The following HTT-AS variants were observed in gnomAD, a reference collection of about 807,000 sequenced individuals.
HTT-AS encodes HTT antisense RNA (head to head).
chr4:3,062,448 C>T (rs1329324463), exon 2 of HTT-AS, among the ~76,000 whole-genome samples: 1 of 152,138 alleles, frequency 6.6e-6, no homozygotes, highest in East Asian at 1.9e-4. Context: ...CCTTGGAGGT[C>T]TGGTGTGAGC....
intron 2 of HTT-AS, among the ~76,000 whole-genome samples, chr4:3,062,169 A>C (rs1711939848): frequency 6.6e-6 from 1 of 151,910 alleles, no homozygotes; most frequent in Admixed American, 6.6e-5. Flanking sequence ...AGCTGGGACC[A>C]CAAGTGCATG....
At chr4:3,060,438 A>G (rs2798296) in intron 2 of HTT-AS, among the ~76,000 whole-genome samples, 67,624 of 151,990 alleles carry the variant, frequency 0.44, 15,643 homozygotes, top group South Asian at 0.7. Flanking sequence ...CTGAAACCCC[A>G]AAATTTGAGA....
At chr4:3,057,423 A>C (rs2110121655) in intron 2 of HTT-AS, among the ~76,000 whole-genome samples, 1 of 152,222 alleles carries the variant, frequency 6.6e-6, no homozygotes, top group African/African-American at 2.4e-5. Context: ...TAAGGCCAAA[A>C]CTATTCCATT....
intron 2 of HTT-AS, among the ~76,000 whole-genome samples, chr4:3,053,172 A>G (rs1032004559): frequency 6.6e-6 from 1 of 152,212 alleles, no homozygotes; most frequent in African/African-American, 2.4e-5. Context: ...AAAATCTTAC[A>G]ACTATTGGAT....
intron 1 of HTT-AS, among the ~76,000 whole-genome samples, chr4:3,068,653 CTTTTTT>C (rs563024282): frequency 7.2e-6 from 1 of 139,150 alleles, no homozygotes; most frequent in Non-Finnish European, 1.5e-5. Context: ...GTGTGTGTAG[CTTTTTT>C]TTTTTTTTTT....
chr4:3,061,035 C>A (rs574891425), intron 2 of HTT-AS, among the ~76,000 whole-genome samples: 1 of 152,184 alleles, frequency 6.6e-6, no homozygotes, highest in Non-Finnish European at 1.5e-5. Context: ...CTTTCTTTCA[C>A]CTATTAAAGC....
intron 1 of HTT-AS, among the ~76,000 whole-genome samples, chr4:3,065,493 C>T (rs1224136631): frequency 5.3e-5 from 8 of 152,250 alleles, no homozygotes; most frequent in Non-Finnish European, 1.2e-4. Flanking sequence ...CTGGGATTAC[C>T]GGTGTGAGCC....
chr4:3,053,566 G>A (rs999809062), intron 2 of HTT-AS, among the ~76,000 whole-genome samples: 8 of 151,752 alleles, frequency 5.3e-5, no homozygotes, highest in African/African-American at 1.9e-4. Flanking sequence ...AAATAAAAGA[G>A]CTCTAATTAA....
chr4:3,047,673 G>C (rs539846860), downstream of HTT-AS, among the ~76,000 whole-genome samples: 28 of 152,306 alleles, frequency 1.8e-4, no homozygotes, highest in African/African-American at 6.5e-4. Flanking sequence ...GGGGCGGAGG[G>C]GTTAGAGAAG....
chr4:3,058,818 C>T (rs761945227), intron 2 of HTT-AS, among the ~76,000 whole-genome samples: 1 of 151,874 alleles, frequency 6.6e-6, no homozygotes, highest in Non-Finnish European at 1.5e-5. Context: ...CTCCGAGGTT[C>T]CAGCGATTCT....
intron 1 of HTT-AS, among the ~76,000 whole-genome samples, chr4:3,069,559 G>A (rs762380065): frequency 6.6e-6 from 1 of 152,036 alleles, no homozygotes; most frequent in Non-Finnish European, 1.5e-5. Context: ...CTGACCTCAC[G>A]TATATCAACG....
intron 1 of HTT-AS, among the ~76,000 whole-genome samples, chr4:3,067,442 T>C (rs984081332): frequency 3.9e-5 from 6 of 152,002 alleles, no homozygotes; most frequent in African/African-American, 1.5e-4. Flanking sequence ...CCATCAACAA[T>C]ACACAGGACA....
chr4:3,066,210 G>A (rs10222986), intron 1 of HTT-AS, among the ~76,000 whole-genome samples: 3,499 of 152,034 alleles, frequency 0.023, 63 homozygotes, highest in Middle Eastern at 0.048. Flanking sequence ...TCACTCTGTT[G>A]CCAGGCTGGA....
At chr4:3,070,816 T>A (rs145013080) in intron 1 of HTT-AS, among the ~76,000 whole-genome samples, 1 of 152,232 alleles carries the variant, frequency 6.6e-6, no homozygotes, top group Non-Finnish European at 1.5e-5. Context: ...AGTGTTGCTA[T>A]AATAAATCAT....
chr4:3,047,289 T>A (rs538875083), downstream of HTT-AS, among the ~76,000 whole-genome samples: 1 of 152,066 alleles, frequency 6.6e-6, no homozygotes, highest in African/African-American at 2.4e-5. Context: ...CCAGCCTGGG[T>A]GACAGAGCGA....
chr4:3,068,083 A>G (rs1377418123), intron 1 of HTT-AS, among the ~76,000 whole-genome samples: 1 of 152,032 alleles, frequency 6.6e-6, no homozygotes, highest in Admixed American at 6.6e-5. Flanking sequence ...AGGCGGGTGG[A>G]TCACGAGGTC....
intron 1 of HTT-AS, among the ~76,000 whole-genome samples, chr4:3,069,705 G>A (rs909883224): frequency 2.6e-5 from 4 of 152,142 alleles, no homozygotes; most frequent in South Asian, 2.1e-4. Context: ...ACGCGCCCCC[G>A]CCGCTGTCCT....
intron 1 of HTT-AS, among the ~76,000 whole-genome samples, chr4:3,073,618 G>A (rs1350784403): frequency 6.6e-6 from 1 of 152,226 alleles, no homozygotes. Context: ...GACCACCCAG[G>A]CCTGCCCCAG....
intron 2 of HTT-AS, among the ~76,000 whole-genome samples, chr4:3,062,314 G>A (rs1451491561): frequency 6.6e-6 from 1 of 152,172 alleles, no homozygotes; most frequent in East Asian, 1.9e-4. Context: ...ACAGGCATGA[G>A]CCAGCATGCC....
Sources: gnomAD v4.1 joint callset for allele counts (sites outside exome capture counted in the v4.1 genomes callset) on GRCh38, gnomAD v4.1.1 for gene constraint, MANE v1.5 for transcripts, NCBI Gene and HGNC (gene_info 2026-07-23, HGNC 2026-07-21) for gene names.